Variants in RNF150 observed in about 807,000 individuals in gnomAD.
RNF150 encodes the protein ring finger protein 150.
In RNF150, 24 loss-of-function variants were observed where a neutral mutation model predicts 39.3. The ratio of observed to expected loss-of-function variants is 0.61; its 90% CI spans 0.44 to 0.86. The LOEUF is 0.86. Ranked by LOEUF, RNF150 falls within the 40% of genes least tolerant of loss-of-function variation. The pLI, the probability that RNF150 is intolerant of heterozygous loss-of-function variation, is 0.00. For synonymous variants in RNF150, 255 were observed against 227.3 expected, an observed-to-expected ratio of 1.12 and a Z score of -1.10; for missense variants, 502 against 587.8, an observed-to-expected ratio of 0.85 and a Z score of 1.51.
rs369420250 is a variant in RNF150, at chr4:141,017,072, T to C, written c.485-49199A>G. 3.8e-3 allele frequency among the ~76,000 whole-genome samples: 571 copies of C among 152,082 alleles called. 4 individuals are homozygous for C. Among genetic ancestry groups the C allele is most frequent in the African/African-American group, 0.011 (454 of 41,400 alleles). On this transcript the variant is annotated intron_variant, in intron 1 of 6. Transcript: ENST00000515673. ...TAAAACACGTGAACATGTGCTACCC[T>C]GCTTGGAAAACTCTAAGGTACCAGA...
upstream of RNF150, among the ~76,000 whole-genome samples, chr4:141,135,125 G>A (rs1053404023): frequency 6.6e-6 from 1 of 152,348 alleles, no homozygotes; most frequent in Admixed American, 6.5e-5. Flanking sequence ...CTTACTGTTG[G>A]AGAAGGAATT....
At chr4:141,167,579 T>G (rs1472971299) in intron 1 of RNF150, among the ~76,000 whole-genome samples, 4 of 151,624 alleles carry the variant, frequency 2.6e-5, no homozygotes, top group Non-Finnish European at 5.9e-5. Context: ...AGCATGGTAC[T>G]GGTACCAAAA....
In RNF150 at chr4:140,860,442, T is replaced by C. The variant is rs1305582213; in HGVS notation, c.*7819A>G. On this transcript the variant is annotated 3_prime_UTR_variant, in exon 7 of 7. Transcript: ENST00000515673. Reference sequence around the variant, plus strand: ...TTTTGTGATTTTGGGTCAGATGCTATATAAATCAAGGAAGCTCAGTCACAC... The same window carrying C: ...TTTTGTGATTTTGGGTCAGATGCTACATAAATCAAGGAAGCTCAGTCACAC... 6.6e-6 allele frequency: 1 copy of C among 152,134 alleles called. No homozygotes were observed. The highest frequency in any genetic ancestry group is 2.1e-4 in the South Asian group (1 of 4,826). The allele number at this position is 152,134 out of a possible 1,614,324, so 9.4% of individuals were successfully genotyped here.
chr4:140,974,231 C>T (rs1156943058), intron 1 of RNF150, among the ~76,000 whole-genome samples: 3 of 152,078 alleles, frequency 2.0e-5, no homozygotes, highest in African/African-American at 7.2e-5. Flanking sequence ...TTAATTTTGT[C>T]AGTTTTAGAA....
intron 1 of RNF150, among the ~76,000 whole-genome samples, chr4:141,008,137 G>A (rs1424210399): frequency 1.3e-5 from 2 of 152,110 alleles, no homozygotes; most frequent in African/African-American, 4.8e-5. Flanking sequence ...TATCTGCTTT[G>A]GAGTCTCAGA....
At chr4:141,189,959 T>C (rs1728075915) in intron 1 of RNF150, among the ~76,000 whole-genome samples, 1 of 152,184 alleles carries the variant, frequency 6.6e-6, no homozygotes, top group African/African-American at 2.4e-5. Flanking sequence ...AAAATACTCC[T>C]GCAGGTAGCT....
chr4:141,210,489 T>C (rs77099112), intron 1 of RNF150, among the ~76,000 whole-genome samples: 8 of 150,722 alleles, frequency 5.3e-5, no homozygotes, highest in African/African-American at 1.5e-4. Flanking sequence ...GTTTCAGCTT[T>C]TTTTTTTTTT....
At chr4:141,169,576 T>G (rs772321177) in intron 1 of RNF150, among the ~76,000 whole-genome samples, 2 of 152,150 alleles carry the variant, frequency 1.3e-5, no homozygotes, top group Admixed American at 1.3e-4. Flanking sequence ...GGTCCAAGAA[T>G]CACAATAAAA....
chr4:140,988,297 A>G (rs1490750318), intron 1 of RNF150, among the ~76,000 whole-genome samples: 1 of 152,154 alleles, frequency 6.6e-6, no homozygotes, highest in African/African-American at 2.4e-5. Context: ...AAACACATGC[A>G]TGCGTATGTT....
chr4:141,204,194 A>G (rs1181402816), intron 1 of RNF150, among the ~76,000 whole-genome samples: 1 of 152,170 alleles, frequency 6.6e-6, no homozygotes, highest in Non-Finnish European at 1.5e-5. Flanking sequence ...GAGTATAGAT[A>G]TGGGCAGATG....
intron 2 of RNF150, among the ~76,000 whole-genome samples, chr4:140,962,709 T>G (rs1036397690): frequency 1.3e-5 from 2 of 152,016 alleles, no homozygotes; most frequent in Admixed American, 1.3e-4. Flanking sequence ...GCTGACTGAA[T>G]GATTAGTGCC....
chr4:141,013,066 G>A lies in RNF150; in HGVS notation c.485-45193C>T, dbSNP rs547296371. 7.2e-5 allele frequency among the ~76,000 whole-genome samples: 11 copies of A among 152,270 alleles called. 1 individual carries two copies. Among genetic ancestry groups the A allele is most frequent in the African/African-American group, 2.6e-4 (11 of 41,556 alleles). Reference sequence around the variant, plus strand: ...GACAAATGGGGAAAATGGAATATGAGTTGTCCAGCAGACATGAAGTGTTGG... The same window carrying A: ...GACAAATGGGGAAAATGGAATATGAATTGTCCAGCAGACATGAAGTGTTGG... On this transcript the variant is annotated intron_variant, in intron 1 of 6. Transcript: ENST00000515673.
intron 1 of RNF150, among the ~76,000 whole-genome samples, chr4:141,025,057 G>T (rs1726809273): frequency 6.6e-6 from 1 of 152,194 alleles, no homozygotes; most frequent in African/African-American, 2.4e-5. Context: ...TAATAAATTT[G>T]GAAGGTCCTG....
chr4:140,977,832 A>G (rs144508774), intron 1 of RNF150, among the ~76,000 whole-genome samples: 309 of 152,276 alleles, frequency 2.0e-3, no homozygotes, highest in Middle Eastern at 0.01. Flanking sequence ...CCTTGCACAT[A>G]CGATTCCAAA....
Position 140,860,436 on chromosome 4 carries a change from A to T in RNF150, c.*7825T>A, listed in dbSNP as rs1232265081. 6.6e-6 allele frequency: 1 copy of T among 152,124 alleles called. No homozygotes were observed. The highest frequency in any genetic ancestry group is 6.5e-5 in the Admixed American group (1 of 15,276). 9.4% of individuals were successfully genotyped at this position (152,124 alleles called of 1,614,324 possible). On this transcript the variant is annotated 3_prime_UTR_variant, in exon 7 of 7. Transcript: ENST00000515673. ...TGACTTTTTTGTGATTTTGGGTCAG[A>T]TGCTATATAAATCAAGGAAGCTCAG... is the stretch of plus-strand genomic sequence containing the variant.
At chr4:141,147,319 T>C (rs4956349) in intron 1 of RNF150, among the ~76,000 whole-genome samples, 52,730 of 152,140 alleles carry the variant, frequency 0.35, 9,951 homozygotes, top group East Asian at 0.81. Flanking sequence ...GGCCATTCAA[T>C]GGACCTTCCA....
intron 2 of RNF150, among the ~76,000 whole-genome samples, chr4:140,955,049 G>A (rs1175202620): frequency 6.6e-6 from 1 of 152,160 alleles, no homozygotes; most frequent in Non-Finnish European, 1.5e-5. Context: ...CACTGTCAAA[G>A]TAAACAGAGT....
intron 6 of RNF150, among the ~76,000 whole-genome samples, chr4:140,895,062 G>T: frequency 6.6e-6 from 1 of 152,114 alleles, no homozygotes; most frequent in East Asian, 1.9e-4. Context: ...TACCTTTGTG[G>T]ATCCTGTTCA....
At chr4:140,929,517 C>A (rs575981968) in intron 4 of RNF150, among the ~76,000 whole-genome samples, 60 of 152,004 alleles carry the variant, frequency 3.9e-4, no homozygotes, top group African/African-American at 1.4e-3. Flanking sequence ...CAGGCACCCA[C>A]CACCACGCCC....
Sources: gnomAD v4.1 joint callset for allele counts (sites outside exome capture counted in the v4.1 genomes callset) on GRCh38, gnomAD v4.1.1 for gene constraint, MANE v1.5 for transcripts, NCBI Gene and HGNC (gene_info 2026-07-23, HGNC 2026-07-21) for gene names.